The following FILIP1L variants were observed in gnomAD, a reference collection of about 807,000 sequenced individuals.
FILIP1L encodes filamin A-interacting protein 1-like.
Under a neutral mutation model 96.6 loss-of-function variants are expected in FILIP1L, and 55 were observed. The observed-to-expected ratio is 0.57, with a 90% CI of 0.46 to 0.71. FILIP1L has a LOEUF of 0.71. Ranked by LOEUF, FILIP1L falls within the 30% of genes least tolerant of loss-of-function variation. FILIP1L has a pLI of 0.00. For synonymous variants in FILIP1L, 467 were observed against 473.9 expected (o/e 0.99, Z 0.19); for missense variants, 1,304 against 1,321.2 (o/e 0.99, Z 0.20).
chr3:99,843,396 A>C (rs1172368690), intron 5 of FILIP1L, among the ~76,000 whole-genome samples: 1 of 152,192 alleles, frequency 6.6e-6, no homozygotes, highest in Non-Finnish European at 1.5e-5. Flanking sequence ...TAAAAAGAAA[A>C]CTTGGAGAAT....
chr3:99,926,145 A>G (rs1707286746), intron 3 of FILIP1L, among the ~76,000 whole-genome samples: 1 of 152,240 alleles, frequency 6.6e-6, no homozygotes, highest in African/African-American at 2.4e-5. Flanking sequence ...AAAAGCATGT[A>G]CTTGACTAGA....
At chr3:99,856,327 G>A (rs1374668342) in intron 4 of FILIP1L, among the ~76,000 whole-genome samples, 3 of 152,180 alleles carry the variant, frequency 2.0e-5, no homozygotes, top group Non-Finnish European at 4.4e-5. Flanking sequence ...GGACGTAGAC[G>A]TTGATCCCTT....
chr3:100,031,334 G>A (rs2065018307), intron 1 of FILIP1L, among the ~76,000 whole-genome samples: 1 of 151,992 alleles, frequency 6.6e-6, no homozygotes, highest in African/African-American at 2.4e-5. Flanking sequence ...CTTTCATCTA[G>A]CAGTCCAATA....
intron 1 of FILIP1L, among the ~76,000 whole-genome samples, chr3:99,994,819 A>T (rs150246297): frequency 6.6e-6 from 1 of 152,302 alleles, no homozygotes; most frequent in South Asian, 2.1e-4. Flanking sequence ...TGATAAAACC[A>T]TCAGATCTCA....
chr3:100,065,571 C>T (rs574998542), intron 1 of FILIP1L, among the ~76,000 whole-genome samples: 10 of 152,292 alleles, frequency 6.6e-5, no homozygotes, highest in Non-Finnish European at 1.3e-4. Context: ...CTTGGTCTTC[C>T]ACTTTTCATC....
intron 1 of FILIP1L, among the ~76,000 whole-genome samples, chr3:100,036,319 A>C (rs1359897746): frequency 1.3e-5 from 2 of 152,192 alleles, no homozygotes; most frequent in Admixed American, 1.3e-4. Context: ...GAGGAAAAAA[A>C]AGATGAGCCT....
chr3:99,898,130 G>A (rs185494863), intron 4 of FILIP1L: 15 of 152,206 alleles, frequency 9.9e-5, no homozygotes, highest in Non-Finnish European at 1.9e-4. Flanking sequence ...GGCAGGCTTG[G>A]TTTAAATGTA....
chr3:100,031,457 A>C (rs1476752212), intron 1 of FILIP1L, among the ~76,000 whole-genome samples: 1 of 152,068 alleles, frequency 6.6e-6, no homozygotes, highest in Non-Finnish European at 1.5e-5. Flanking sequence ...ATGGTGATCT[A>C]GTAAGTGAGT....
intron 1 of FILIP1L, among the ~76,000 whole-genome samples, chr3:99,982,695 T>C (rs1249754233): frequency 6.6e-6 from 1 of 152,152 alleles, no homozygotes; most frequent in African/African-American, 2.4e-5. Context: ...TGCTTAATCA[T>C]GGAAGTAACC....
At chr3:99,951,019 T>C (rs781020630) in intron 1 of FILIP1L, among the ~76,000 whole-genome samples, 1 of 152,114 alleles carries the variant, frequency 6.6e-6, no homozygotes, top group Non-Finnish European at 1.5e-5. Flanking sequence ...TGGCCCACAG[T>C]TTCACCTCAT....
intron 1 of FILIP1L, among the ~76,000 whole-genome samples, chr3:100,046,135 T>C (rs1198117248): frequency 7.2e-5 from 11 of 152,212 alleles, no homozygotes; most frequent in Non-Finnish European, 5.9e-5. Context: ...GCTAAATAGC[T>C]GTATTCTCAA....
chr3:100,039,090 A>G (rs1466396151), intron 1 of FILIP1L, among the ~76,000 whole-genome samples: 1 of 152,228 alleles, frequency 6.6e-6, no homozygotes, highest in Admixed American at 6.5e-5. Flanking sequence ...TATAAAAAGA[A>G]TAGGAAATTA....
At chr3:99,904,162 T>G (rs1041271662) in intron 4 of FILIP1L, among the ~76,000 whole-genome samples, 1 of 152,244 alleles carries the variant, frequency 6.6e-6, no homozygotes, top group Non-Finnish European at 1.5e-5. Flanking sequence ...GTTTTTGTTA[T>G]TATTGCTCTT....
intron 1 of FILIP1L, among the ~76,000 whole-genome samples, chr3:99,939,328 C>T (rs1218373043): frequency 1.3e-5 from 2 of 152,212 alleles, no homozygotes; most frequent in East Asian, 3.8e-4. Context: ...TATCCTGGTT[C>T]TGCCTCCAGA....
At chr3:100,063,529 G>T (rs2065610350) in intron 1 of FILIP1L, among the ~76,000 whole-genome samples, 2 of 151,964 alleles carry the variant, frequency 1.3e-5, no homozygotes, top group African/African-American at 2.4e-5. Flanking sequence ...AAATTTAAAG[G>T]CTCCTAAGCT....
At chr3:99,886,614 CATT>C (rs1705907285) in intron 4 of FILIP1L, among the ~76,000 whole-genome samples, 1 of 151,976 alleles carries the variant, frequency 6.6e-6, no homozygotes, top group African/African-American at 2.4e-5. Flanking sequence ...AAAAAATTAA[CATT>C]AAATTAAGAT....
At chr3:99,980,926 C>G (rs1559712345) in intron 1 of FILIP1L, among the ~76,000 whole-genome samples, 2 of 152,046 alleles carry the variant, frequency 1.3e-5, no homozygotes, top group Non-Finnish European at 2.9e-5. Flanking sequence ...TCAATACTGG[C>G]TATGTACCCA....
chr3:100,004,173 T>G (rs548110461), intron 1 of FILIP1L, among the ~76,000 whole-genome samples: 1 of 152,092 alleles, frequency 6.6e-6, no homozygotes, highest in Non-Finnish European at 1.5e-5. Context: ...AAATTGAGGG[T>G]TTTTTCCCCC....
At chr3:100,023,252 A>G (rs1201657947) in intron 1 of FILIP1L, 1 of 152,476 alleles carries the variant, frequency 6.6e-6, no homozygotes, top group Admixed American at 6.6e-5. Flanking sequence ...ACCACGAAGT[A>G]TTGTTCTTTG....
Sources: gnomAD v4.1 joint callset for allele counts (sites outside exome capture counted in the v4.1 genomes callset) on GRCh38, gnomAD v4.1.1 for gene constraint, MANE v1.5 for transcripts, NCBI Gene and HGNC (gene_info 2026-07-23, HGNC 2026-07-21) for gene names.